Variants in FYB1 observed in about 807,000 individuals in gnomAD.
The protein encoded by FYB1 is FYN-binding protein 1.
Under a neutral mutation model 94.1 loss-of-function variants are expected in FYB1, and 41 were observed. The ratio of observed to expected loss-of-function variants is 0.44; its 90% CI spans 0.34 to 0.57. FYB1 has a LOEUF of 0.57. Ranked by LOEUF, FYB1 falls within the 20% of genes least tolerant of loss-of-function variation. The pLI is 0.02. For missense variants in FYB1, 1,050 were observed against 976.8 expected, an observed-to-expected ratio of 1.07 and a Z score of -1.00; for synonymous variants, 367 against 353.2, an observed-to-expected ratio of 1.04 and a Z score of -0.44.
chr5:39,239,989 T>C (rs373114760), intron 1 of FYB1, among the ~76,000 whole-genome samples: 6 of 151,998 alleles, frequency 3.9e-5, no homozygotes, highest in African/African-American at 1.5e-4. Context: ...CATAGACCAA[T>C]GGAATGGGAT....
At chr5:39,242,548 A>G (rs1751262902) in intron 1 of FYB1, among the ~76,000 whole-genome samples, 4 of 152,022 alleles carry the variant, frequency 2.6e-5, no homozygotes, top group Non-Finnish European at 1.5e-5. Context: ...ATTGGTGGAC[A>G]TTTGGGTTGG....
chr5:39,192,272 T>G (rs1457721717), intron 2 of FYB1, among the ~76,000 whole-genome samples: 1 of 152,216 alleles, frequency 6.6e-6, no homozygotes, highest in East Asian at 1.9e-4. Flanking sequence ...TCATTAAAAT[T>G]TCTTTTCGCT....
chr5:39,186,010 G>C (rs1746749799), intron 2 of FYB1, among the ~76,000 whole-genome samples: 1 of 152,090 alleles, frequency 6.6e-6, no homozygotes, highest in Admixed American at 6.5e-5. Context: ...AGGAGCACCT[G>C]GATTGAAGAC....
intron 2 of FYB1, among the ~76,000 whole-genome samples, chr5:39,172,868 A>C (rs1007444428): frequency 1.3e-5 from 2 of 152,148 alleles, no homozygotes; most frequent in African/African-American, 2.4e-5. Flanking sequence ...ACCTAGGTTA[A>C]TTGCATGTCT....
chr5:39,169,663 G>A, intron 2 of FYB1: 1 of 440,050 alleles, frequency 2.3e-6, no homozygotes, highest in South Asian at 1.8e-5. Flanking sequence ...TGGCCAACAT[G>A]GTGAAACTCT....
At chr5:39,230,524 C>T (rs1194235758) in intron 1 of FYB1, among the ~76,000 whole-genome samples, 1 of 151,804 alleles carries the variant, frequency 6.6e-6, no homozygotes, top group Admixed American at 6.6e-5. Context: ...TTTGTCACAG[C>T]ATATATATAT....
At chr5:39,221,971 A>G (rs1199971977), upstream of FYB1, among the ~76,000 whole-genome samples, 1 of 152,070 alleles carries the variant, frequency 6.6e-6, no homozygotes, top group Non-Finnish European at 1.5e-5. Flanking sequence ...ATTGCACTCC[A>G]GCCCGGGCCA....
rs1005262046 is a variant in FYB1, at chr5:39,118,372, A to C, written c.2401+502T>G. ...AGGTGTGAAATATCCAGAATTCTAC[A>C]CAATTCTGTATAATTTGATATTCTC... On this transcript the variant is annotated intron_variant, in intron 16 of 18. Transcript: ENST00000512982. Among the ~76,000 whole-genome samples the C allele has an allele frequency of 2.0e-5, 3 of 152,236 alleles. No homozygotes were observed. In the East Asian group the frequency reaches 5.8e-4, roughly 29 times the overall value.
intron 1 of FYB1, among the ~76,000 whole-genome samples, chr5:39,243,030 C>T (rs1751292194): frequency 6.6e-6 from 1 of 152,146 alleles, no homozygotes; most frequent in South Asian, 2.1e-4. Context: ...ATTGTAGATT[C>T]TGGATATTAG....
At chr5:39,130,051 C>T (rs542599093) in intron 10 of FYB1, among the ~76,000 whole-genome samples, 138 of 150,780 alleles carry the variant, frequency 9.2e-4, no homozygotes, top group Non-Finnish European at 1.4e-3. Flanking sequence ...TGTCTATACG[C>T]AATGAAATAC....
chr5:39,211,221 T>G (rs1749342243), intron 1 of FYB1: 1 of 152,204 alleles, frequency 6.6e-6, no homozygotes, highest in Non-Finnish European at 1.5e-5. Context: ...TAATAGTTGA[T>G]GTACACTTCA....
At chr5:39,270,635 G>A in intron 1 of FYB1, 2 of 1,503,062 alleles carry the variant, frequency 1.3e-6, no homozygotes, top group Non-Finnish European at 1.8e-6. Flanking sequence ...AGCTTGGATA[G>A]TGAATGTGCA....
chr5:39,256,263 G>A lies in FYB1; in HGVS notation c.-28+18140C>T, dbSNP rs371697902. ...CCCAAAGGAGAAACCAGTATTCACA[G>A]TGATCAAAAGGGAGACCTAGCATCA... On this transcript the variant is annotated intron_variant, in intron 1 of 1. Coordinates refer to the FYB1 transcript ENST00000510188. Among the ~76,000 whole-genome samples the A allele has an allele frequency of 5.2e-4, 79 of 152,314 alleles. 3 individuals are homozygous for A. In the South Asian group the frequency reaches 0.015, roughly 30 times the overall value.
intron 1 of FYB1, among the ~76,000 whole-genome samples, chr5:39,225,123 G>A (rs931141031): frequency 1.3e-5 from 2 of 152,316 alleles, no homozygotes; most frequent in South Asian, 4.1e-4. Flanking sequence ...CCATGCAGAA[G>A]AGTGGTCACT....
intron 2 of FYB1, among the ~76,000 whole-genome samples, chr5:39,171,657 C>A (rs1238805543): frequency 6.6e-6 from 1 of 152,126 alleles, no homozygotes; most frequent in African/African-American, 2.4e-5. Context: ...TGCAATATTG[C>A]CTGGTATATA....
At chr5:39,244,095 A>G (rs1301534335) in intron 1 of FYB1, among the ~76,000 whole-genome samples, 1 of 152,124 alleles carries the variant, frequency 6.6e-6, no homozygotes, top group Non-Finnish European at 1.5e-5. Context: ...AAACAGGGAC[A>G]ATTTGAGTTC....
chr5:39,142,116 G>A (rs1418825669), intron 3 of FYB1, among the ~76,000 whole-genome samples: 2 of 152,054 alleles, frequency 1.3e-5, no homozygotes, highest in Admixed American at 6.6e-5. Context: ...GAAAATGGCC[G>A]TCAATTTTAC....
upstream of FYB1, among the ~76,000 whole-genome samples, chr5:39,224,177 G>A (rs984033666): frequency 1.3e-5 from 2 of 152,210 alleles, no homozygotes; most frequent in Admixed American, 6.5e-5. Context: ...TTCAAGGAAA[G>A]GTGATCTGGT....
chr5:39,249,807 G>A (rs391228), intron 1 of FYB1, among the ~76,000 whole-genome samples: 100,326 of 151,812 alleles, frequency 0.66, 35,455 homozygotes, highest in Non-Finnish European at 0.79. Flanking sequence ...GAAAGATGGT[G>A]ACTTCATCAT....
Sources: gnomAD v4.1 joint callset for allele counts (sites outside exome capture counted in the v4.1 genomes callset) on GRCh38, gnomAD v4.1.1 for gene constraint, MANE v1.5 for transcripts, NCBI Gene and HGNC (gene_info 2026-07-23, HGNC 2026-07-21) for gene names.